Variants in EML3 observed in about 807,000 individuals in gnomAD.
The protein encoded by EML3 is echinoderm microtubule-associated protein-like 3.
A neutral mutation model predicts 106.7 loss-of-function variants in EML3; 53 were observed. The observed-to-expected ratio is 0.50, with a 90% CI of 0.40 to 0.62. The LOEUF is 0.62. Ranked by LOEUF, EML3 falls within the 20% of genes least tolerant of loss-of-function variation. EML3 has a pLI of 0.00. For synonymous variants in EML3, 499 were observed against 489.6 expected, an observed-to-expected ratio of 1.02 and a Z score of -0.25; for missense variants, 994 against 1,209.1, an observed-to-expected ratio of 0.82 and a Z score of 2.64.
In EML3 at chr11:62,605,190, G is replaced by A. The variant is rs572675623; in HGVS notation, c.1915-10C>T. On this transcript the variant is annotated splice_polypyrimidine_tract_variant and intron_variant, in intron 15 of 21. Coordinates refer to ENST00000394773, the MANE Select transcript of EML3 (RefSeq NM_153265.3). This position sits in a 1 kb window ranked among gnomAD's most constrained non-coding sequence, Gnocchi z 5.2. The stretch of plus-strand genomic sequence containing the variant: ...CACAGAGACCAGTCTCCTGGGAGAG[G>A]GGAGAAGGTGAATTCAAGATGATGT... 4.3e-6 allele frequency: 7 copies of A among 1,611,410 alleles called. No individual in the cohort carries two copies. The highest frequency in any genetic ancestry group is 1.7e-4 in the Middle Eastern group (1 of 6,038).
Position 62,612,494 on chromosome 11 carries a change from G to T in EML3, c.-37C>A. The T allele has an allele frequency of 7.2e-7, 1 of 1,397,220 alleles. No individual in the cohort carries two copies. Among genetic ancestry groups the T allele is most frequent in the African/African-American group, 1.5e-5 (1 of 66,156 alleles). The allele number at this position is 1,397,220 out of a possible 1,614,324, so 86.6% of individuals were successfully genotyped here. On this transcript the variant is annotated 5_prime_UTR_variant, in exon 1 of 22. Coordinates refer to ENST00000394773, the MANE Select transcript of EML3 (RefSeq NM_153265.3). ...GTTGCTCCGAGCGGCGGCGGCGGAG[G>T]AGGCGTCTAAGCCGCGGGGGCCACG... is the stretch of plus-strand genomic sequence containing the variant.
In EML3 at chr11:62,602,792, C is replaced by T. The variant is rs1942304749; in HGVS notation, c.2454G>A (p.Val818=). ...GAGCGCACGGGTACTGGAAGAGATG[C>T]ACTTTGCAGAAGTCGTCGGCCACCG... ...VVAVADDFCK[V]HLFQYPCARA... The change falls in exon 21 of 22, where the codon GTG becomes GTA. Residue 818 remains valine (V), a synonymous_variant. Transcript: ENST00000394773. The T allele has an allele frequency of 6.2e-7, 1 of 1,611,552 alleles. No homozygotes were observed. The highest frequency in any genetic ancestry group is 8.5e-7 in the Non-Finnish European group (1 of 1,179,390).
At position 62,605,655 on chromosome 11, in the gene EML3, C is replaced by T. The variant is rs1202447294; in HGVS notation, c.1901G>A (p.Ser634Asn). The T allele has an allele frequency of 1.3e-6, 2 of 1,560,438 alleles. No homozygotes were observed. Among genetic ancestry groups the T allele is most frequent in the African/African-American group, 1.4e-5 (1 of 73,564 alleles). The stretch of plus-strand genomic sequence containing the variant: ...ACAGGGCTCTACCTTGAGGTCGATG[C>T]TCCAGGCCAGTGCATGGCTCTCCCC... ...WDGESHALAW[S>N]IDLKETGLCA... Residue 634 changes from serine to asparagine, a missense_variant, in exon 15 of 22, where the codon AGC becomes AAC. Physicochemically the swap from Ser to Asn is conservative, Grantham distance 46. Transcript: ENST00000394773. The surrounding 1 kb of genome is among the most constrained non-coding windows in gnomAD (Gnocchi z 5.2).
Position 62,612,514 on chromosome 11 carries a change from G to A in EML3, c.-57C>T, listed in dbSNP as rs1393926949. Reference sequence around the variant, plus strand: ...CGGAGGAGGCGTCTAAGCCGCGGGGGCCACGGCCGGGGAGAGGGGAAGGGG... The same window carrying A: ...CGGAGGAGGCGTCTAAGCCGCGGGGACCACGGCCGGGGAGAGGGGAAGGGG... On this transcript the variant is annotated 5_prime_UTR_variant, in exon 1 of 22. Coordinates refer to ENST00000394773, the MANE Select transcript of EML3 (RefSeq NM_153265.3). The A allele has an allele frequency of 1.1e-5, 15 of 1,347,540 alleles. No individual in the cohort carries two copies. The highest frequency in any genetic ancestry group is 4.0e-5 in the Admixed American group (1 of 24,706). The allele number at this position is 1,347,540 out of a possible 1,614,324, so 83.5% of individuals were successfully genotyped here.
chr11:62,608,284 A>T lies in EML3; in HGVS notation c.1123T>A (p.Phe375Ile). Reference protein sequence around the residue: ...LAFSAADQGAFLCVVDDSNEH... With the variant: ...LAFSAADQGAILCVVDDSNEH... ...TTGGAATCATCCACCACACAAAGAA[A>T]GGCACCCTGATCCTGAAGAAGGGTG... is the stretch of plus-strand genomic sequence containing the variant. Residue 375 changes from phenylalanine to isoleucine, a missense_variant, in exon 10 of 22, where the codon TTT (phenylalanine) becomes ATT (isoleucine). Physicochemically the swap from Phe to Ile is conservative, Grantham distance 21 (BLOSUM62 0). Transcript: ENST00000394773. The T allele has an allele frequency of 6.2e-7, 1 of 1,613,940 alleles. No individual in the cohort carries two copies. Among genetic ancestry groups the T allele is most frequent in the Non-Finnish European group, 8.5e-7 (1 of 1,179,994 alleles).
At position 62,603,755 on chromosome 11, in the gene EML3, T is replaced by C; in HGVS notation, c.2231A>G (p.Asn744Ser). The change falls in exon 19 of 22, where the codon AAT (asparagine) becomes AGT (serine). Residue 744 changes from asparagine (N) to serine (S), a missense_variant. By Grantham distance (46) the Asn-to-Ser change is conservative. Around this residue, in one of 3 missense-constraint regions of EML3, gnomAD observed 713 missense variants for 920.5 expected, o/e 0.77. Transcript: ENST00000394773. ...WSKDGNFIMS[N>S]SGDYEILYWD... is the part of the protein sequence containing the mutation. Reference sequence around the variant, plus strand: ...GTAAAGAATCTCATAGTCCCCAGAATTGGACATGATGAAATTCCCATCCTT... The same window carrying C: ...GTAAAGAATCTCATAGTCCCCAGAACTGGACATGATGAAATTCCCATCCTT... 2 of 1,614,100 alleles carry C rather than the reference T, an allele frequency of 1.2e-6. No homozygotes were observed. Among genetic ancestry groups the C allele is most frequent in the South Asian group, 2.2e-5 (2 of 91,078 alleles).
chr11:62,606,415 C>A, intron 12 of EML3: 1 of 681,048 alleles, frequency 1.5e-6, no homozygotes, highest in Non-Finnish European at 2.4e-6. Context: ...AATGAGGTAA[C>A]TTCCTAAAGG....
Position 62,610,883 on chromosome 11 carries a change from C to G in EML3, c.562G>C (p.Glu188Gln). 2 of 1,609,838 alleles carry G rather than the reference C, an allele frequency of 1.2e-6. No individual in the cohort carries two copies. Among genetic ancestry groups the G allele is most frequent in the Non-Finnish European group, 1.7e-6 (2 of 1,179,106 alleles). Reference sequence around the variant, plus strand: ...TTGAGGGGAAGCCTCACCCACCTCTCTGTGCTCCCGGACCGCACTAACAGG... The same window carrying G: ...TTGAGGGGAAGCCTCACCCACCTCTGTGTGCTCCCGGACCGCACTAACAGG... ...ANLLVRSGST[E>Q]SRGGKDPLSS... Residue 188 changes from glutamate to glutamine, a missense_variant, in exon 4 of 22, where the codon GAG becomes CAG. Glu to Gln is a conservative substitution (Grantham distance 29). Transcript: ENST00000394773.
chr11:62,609,527 G>A, intron 5 of EML3, 50 bp from the exon 6 acceptor site: 3 of 1,549,746 alleles, frequency 1.9e-6, no homozygotes, highest in Non-Finnish European at 2.6e-6. Flanking sequence ...GAAAGACAGA[G>A]CAGAACCCTA....
Position 62,608,649 on chromosome 11 carries a change from G to A in EML3, c.1003C>T (p.Leu335=). Residue 335 remains leucine (L), a synonymous_variant, in exon 9 of 22, where the codon CTG becomes TTG. Transcript: ENST00000394773. ...TCCCAGATGTGAACCACAGGCTGCA[G>A]GGGCTGGTGGAGGAAGAGTCACAAG... ...TAGVDKDGKP[L]QPVVHIWDSE... is the part of the protein sequence containing the mutation. The A allele has an allele frequency of 6.2e-7, 1 of 1,614,210 alleles. No individual in the cohort carries two copies. Among genetic ancestry groups the A allele is most frequent in the South Asian group, 1.1e-5 (1 of 91,086 alleles).
Position 62,603,751 on chromosome 11 carries a change from A to C in EML3, c.2235T>G (p.Ser745=), listed in dbSNP as rs897835876. The part of the protein sequence containing the change: ...SKDGNFIMSN[S]GDYEILYWDV... ...CACAGTAAAGAATCTCATAGTCCCC[A>C]GAATTGGACATGATGAAATTCCCAT... is the stretch of plus-strand genomic sequence containing the variant. The change falls in exon 19 of 22, where the codon TCT becomes TCG. Residue 745 remains serine, a synonymous_variant. Transcript: ENST00000394773. 2 of 1,614,002 alleles carry C rather than the reference A, an allele frequency of 1.2e-6. No homozygotes were observed. The highest frequency in any genetic ancestry group is 4.5e-5 in the East Asian group (2 of 44,900).
Position 62,611,664 on chromosome 11 carries a change from C to T in EML3, c.23-68G>A, listed in dbSNP as rs2134411986. 33 of 1,500,332 alleles carry T rather than the reference C, an allele frequency of 2.2e-5. 1 individual carries two copies. In the South Asian group the frequency reaches 3.9e-4, roughly 18 times the overall value. The allele number at this position is 1,500,332 out of a possible 1,614,324, so 92.9% of individuals were successfully genotyped here. ...GAAGAAAGCGTAGAGGGGATTCTGT[C>T]TCCCCACAACTTTACATGTGTCCGG... is the stretch of plus-strand genomic sequence containing the variant. On this transcript the variant is annotated intron_variant, in intron 1 of 21. Transcript: ENST00000394773.
rs1942479435 is a variant in EML3 at position 62,605,792 on chromosome 11, G to A, written c.1783-19C>T. On this transcript the variant is annotated intron_variant, in intron 14 of 21. Coordinates refer to ENST00000394773, the MANE Select transcript of EML3 (RefSeq NM_153265.3). The surrounding 1 kb of genome is among the most constrained non-coding windows in gnomAD (Gnocchi z 5.2). ...TGTGGCCCTGCAGCACAGCATGACTGTCACTCCTGCCCCTCTCTCACACCC... is the reference window on the plus strand; with the variant it reads ...TGTGGCCCTGCAGCACAGCATGACTATCACTCCTGCCCCTCTCTCACACCC... 3 of 1,601,656 alleles carry A rather than the reference G, an allele frequency of 1.9e-6. No individual in the cohort carries two copies. Among genetic ancestry groups the A allele is most frequent in the African/African-American group, 1.3e-5 (1 of 74,918 alleles).
rs774796923 is a variant in EML3, at chr11:62,602,486, G to A, written c.2680C>T (p.Leu894Phe). Reference protein sequence around the residue: ...RTPSLSPASSLDV With the variant: ...RTPSLSPASSFDV ...CCGCCAGGCAGCGATCAAACGTCGA[G>A]GGAGGAGGCGGGGGACAGGGAGGGG... The change falls in exon 22 of 22, where the codon CTC (leucine) becomes TTC (phenylalanine). Residue 894 changes from leucine to phenylalanine, a missense_variant. Physicochemically the swap from Leu to Phe is conservative, Grantham distance 22 (BLOSUM62 0). Coordinates refer to ENST00000394773, the MANE Select transcript of EML3 (RefSeq NM_153265.3). 6.5e-7 allele frequency: 1 copy of A among 1,535,244 alleles called. No individual in the cohort carries two copies. The highest frequency in any genetic ancestry group is 8.8e-7 in the Non-Finnish European group (1 of 1,139,134).
chr11:62,607,993 T>A, intron 10 of EML3, 172 bp from the exon 11 acceptor site: 2 of 803,452 alleles, frequency 2.5e-6, no homozygotes, highest in Non-Finnish European at 2.0e-6. Context: ...CAATCATAAT[T>A]AATCACCCTA....
At position 62,603,777 on chromosome 11, in the gene EML3, C is replaced by T. The variant is rs1461999521; in HGVS notation, c.2209G>A (p.Asp737Asn). ...SFITHLDWSK[D>N]GNFIMSNSGD... ...GAATTGGACATGATGAAATTCCCAT[C>T]CTTGGACCAGTCAAGATGAGTGATG... Residue 737 changes from aspartate (D) to asparagine (N), a missense_variant, in exon 19 of 22, where the codon GAT (aspartate) becomes AAT (asparagine). Asp to Asn is a conservative substitution (Grantham distance 23, BLOSUM62 1). Coordinates refer to ENST00000394773, the MANE Select transcript of EML3 (RefSeq NM_153265.3). 1 of 1,614,024 alleles carries T rather than the reference C, an allele frequency of 6.2e-7. No homozygotes were observed. Among genetic ancestry groups the T allele is most frequent in the African/African-American group, 1.3e-5 (1 of 74,888 alleles).
In EML3 at chr11:62,602,818, C is replaced by G. The variant is rs770293220; in HGVS notation, c.2428G>C (p.Ala810Pro). The change falls in exon 21 of 22, where the codon GCG becomes CCG. Residue 810 changes from alanine to proline, a missense_variant. Physicochemically the swap from Ala to Pro is conservative, Grantham distance 27 (BLOSUM62 -1). Transcript: ENST00000394773. ...LCRSHNERVV[A>P]VADDFCKVHL... The stretch of plus-strand genomic sequence containing the variant: ...ACTTTGCAGAAGTCGTCGGCCACCG[C>G]CACCACGCGCTCGTTGTGGGAGCGG... The G allele has an allele frequency of 5.4e-5, 87 of 1,609,120 alleles. No homozygotes were observed. The highest frequency in any genetic ancestry group is 7.1e-5 in the Non-Finnish European group (84 of 1,178,390).
chr11:62,611,950 G>A (rs1217902341), intron 1 of EML3: 4 of 366,970 alleles, frequency 1.1e-5, no homozygotes, highest in South Asian at 3.9e-5. Flanking sequence ...CCCTCCCCAC[G>A]CGCCCCCAGC....
In EML3 at chr11:62,605,650, C is replaced by T. The variant is rs775021776; in HGVS notation, c.1906G>A (p.Asp636Asn). The change falls in exon 15 of 22, where the codon GAC becomes AAC. Residue 636 changes from aspartate (D) to asparagine (N), a missense_variant. Transcript: ENST00000394773. This position sits in a 1 kb window ranked among gnomAD's most constrained non-coding sequence, Gnocchi z 5.2. ...GESHALAWSIDLKETGLCADF... is the reference protein window; with the variant it reads ...GESHALAWSINLKETGLCADF... ...GGGGCACAGGGCTCTACCTTGAGGT[C>T]GATGCTCCAGGCCAGTGCATGGCTC... 3.9e-6 allele frequency: 6 copies of T among 1,543,516 alleles called. No individual in the cohort carries two copies. The highest frequency in any genetic ancestry group is 4.4e-6 in the Non-Finnish European group (5 of 1,145,660).
Sources: gnomAD v4.1 joint callset for allele counts on GRCh38, gnomAD v4.1.1 for gene constraint, gnomAD v4.1.1 regional missense constraint, Gnocchi (gnomAD v3.1) non-coding constraint, MANE v1.5 for transcripts, NCBI Gene and HGNC (gene_info 2026-07-23, HGNC 2026-07-21) for gene names.